The following GABRG3 variants were observed in gnomAD, a reference collection of about 807,000 sequenced individuals.
GABRG3 encodes gamma-aminobutyric acid type A receptor subunit gamma3, also known as gamma-aminobutyric acid receptor subunit gamma-3.
GABRG3 carries 25 observed loss-of-function variants against 48.8 expected under a neutral mutation model. The ratio of observed to expected loss-of-function variants is 0.51; its 90% CI spans 0.37 to 0.72. The LOEUF is 0.72. Ranked by LOEUF, GABRG3 falls within the 30% of genes least tolerant of loss-of-function variation. The pLI, the probability that GABRG3 is intolerant of heterozygous loss-of-function variation, is 0.00. For missense variants in GABRG3, 394 were observed against 577.9 expected (o/e 0.68, Z 3.26); for synonymous variants, 227 against 217.6 (o/e 1.04, Z -0.38).
intron 5 of GABRG3, among the ~76,000 whole-genome samples, chr15:27,440,822 G>A (rs539774981): frequency 1.1e-4 from 16 of 152,278 alleles, no homozygotes; most frequent in African/African-American, 3.1e-4. Flanking sequence ...ATAATTATTC[G>A]ATTAATTATT....
At chr15:27,340,850 T>A (rs1208211244) in intron 5 of GABRG3, 1 of 299,604 alleles carries the variant, frequency 3.3e-6, no homozygotes, top group Non-Finnish European at 6.7e-6. Context: ...ACGACTTTGC[T>A]AAGAAGAAAA....
chr15:27,156,123 C>G (rs1369928757), intron 3 of GABRG3, among the ~76,000 whole-genome samples: 1 of 151,562 alleles, frequency 6.6e-6, no homozygotes, highest in East Asian at 1.9e-4. Context: ...CACGGTGAAA[C>G]CCTGTCTCTA....
At chr15:27,489,679 G>T (rs1402481491) in intron 6 of GABRG3, among the ~76,000 whole-genome samples, 1 of 151,924 alleles carries the variant, frequency 6.6e-6, no homozygotes, top group African/African-American at 2.4e-5. Flanking sequence ...TCTTCTTTTG[G>T]GAAGTGTCTG....
chr15:27,369,806 C>CAAAAAAAAAAAAAAAAAAAAAAAAAAAAA (rs34901488), intron 5 of GABRG3, among the ~76,000 whole-genome samples: 1 of 30,270 alleles, frequency 3.3e-5, no homozygotes, highest in African/African-American at 9.0e-5. Flanking sequence ...GACTCCGTCT[C>CAAAAAAAAAAAAAAAAAAAAAAAAAAAAA]AAAAAAAAAA....
intron 6 of GABRG3, among the ~76,000 whole-genome samples, chr15:27,511,623 C>T (rs1054788080): frequency 1.3e-5 from 2 of 152,188 alleles, no homozygotes; most frequent in African/African-American, 4.8e-5. Flanking sequence ...CACAGAAGGC[C>T]TACAAGAGCT....
At chr15:27,174,626 C>G (rs1223380830) in intron 3 of GABRG3, among the ~76,000 whole-genome samples, 6 of 150,900 alleles carry the variant, frequency 4.0e-5, no homozygotes, top group Admixed American at 4.0e-4. Context: ...CTCACTCTCA[C>G]ATCTTGTTGA....
At chr15:27,110,490 C>A (rs1462253510) in intron 3 of GABRG3, among the ~76,000 whole-genome samples, 1 of 151,582 alleles carries the variant, frequency 6.6e-6, no homozygotes, top group East Asian at 1.9e-4. Context: ...TTATGTAGCT[C>A]TGAGTTTCTG....
chr15:27,045,397 A>C (rs149146523), intron 3 of GABRG3, among the ~76,000 whole-genome samples: 94 of 152,376 alleles, frequency 6.2e-4, no homozygotes, highest in African/African-American at 2.1e-3. Context: ...CCAGAAGGTC[A>C]GTTCCTTATG....
At chr15:27,330,155 G>T (rs991393210) in intron 5 of GABRG3, among the ~76,000 whole-genome samples, 2 of 152,138 alleles carry the variant, frequency 1.3e-5, no homozygotes, top group Non-Finnish European at 2.9e-5. Context: ...CAGGAGAATT[G>T]CTTGAACCCA....
chr15:27,066,727 C>T (rs557739892), intron 3 of GABRG3, among the ~76,000 whole-genome samples: 3 of 152,100 alleles, frequency 2.0e-5, no homozygotes, highest in South Asian at 2.1e-4. Flanking sequence ...TTTTCCTGGA[C>T]GCCCATTCTG....
intron 3 of GABRG3, among the ~76,000 whole-genome samples, chr15:27,168,443 T>C (rs1354974769): frequency 6.6e-6 from 1 of 152,168 alleles, no homozygotes; most frequent in Non-Finnish European, 1.5e-5. Flanking sequence ...AAGAAGTTTC[T>C]CCTTCTGTTT....
intron 3 of GABRG3, among the ~76,000 whole-genome samples, chr15:27,262,870 A>C (rs1411548116): frequency 6.6e-6 from 1 of 152,192 alleles, no homozygotes; most frequent in Non-Finnish European, 1.5e-5. Context: ...GCACTAACTT[A>C]TATGTTTCCT....
At chr15:27,081,764 C>T (rs950404189) in intron 3 of GABRG3, among the ~76,000 whole-genome samples, 3 of 152,204 alleles carry the variant, frequency 2.0e-5, no homozygotes, top group African/African-American at 4.8e-5. Context: ...TGACTGAATC[C>T]AGCTGCTGTG....
intron 5 of GABRG3, among the ~76,000 whole-genome samples, chr15:27,468,718 A>G (rs1050786986): frequency 6.6e-6 from 1 of 152,208 alleles, no homozygotes; most frequent in African/African-American, 2.4e-5. Context: ...TAATGATCCC[A>G]AAGTTCAAGA....
intron 3 of GABRG3, among the ~76,000 whole-genome samples, chr15:27,207,546 G>C (rs1888894902): frequency 6.6e-6 from 1 of 152,180 alleles, no homozygotes; most frequent in Admixed American, 6.5e-5. Flanking sequence ...GCCTCTAGTG[G>C]AAAGTTCTGT....
At chr15:27,206,789 C>G (rs1595585250) in intron 3 of GABRG3, among the ~76,000 whole-genome samples, 1 of 152,094 alleles carries the variant, frequency 6.6e-6, no homozygotes, top group East Asian at 1.9e-4. Flanking sequence ...GAATGGAACC[C>G]TTTATTATTA....
chr15:27,332,856 G>T (rs1595683522), intron 5 of GABRG3, among the ~76,000 whole-genome samples: 1 of 151,910 alleles, frequency 6.6e-6, no homozygotes, highest in African/African-American at 2.4e-5. Context: ...AACATGTTTG[G>T]GTAATAACTT....
intron 6 of GABRG3, among the ~76,000 whole-genome samples, chr15:27,502,945 C>T: frequency 6.6e-6 from 1 of 152,172 alleles, no homozygotes; most frequent in East Asian, 1.9e-4. Context: ...ACATGTTCGG[C>T]CATCTGGAAG....
rs1206982175 is a variant in GABRG3, at chr15:27,319,659, CA to C, written c.271-7149del. 6.6e-6 allele frequency among the ~76,000 whole-genome samples: 1 copy of C among 152,010 alleles called. No homozygotes were observed. Among genetic ancestry groups the C allele is most frequent in the Non-Finnish European group, 1.5e-5 (1 of 68,018 alleles). On this transcript the variant is annotated intron_variant, in intron 3 of 9. Coordinates refer to ENST00000615808, the MANE Select transcript of GABRG3 (RefSeq NM_033223.5). The surrounding 1 kb of genome is among the most constrained non-coding windows in gnomAD (Gnocchi z 4.4). ...GGATAAGAGGGTGTCCAGGCGTGGG[CA>C]GAGCACAAATGGGATGGGGAGGAAG...
Sources: gnomAD v4.1 joint callset for allele counts (sites outside exome capture counted in the v4.1 genomes callset) on GRCh38, gnomAD v4.1.1 for gene constraint, Gnocchi (gnomAD v3.1) non-coding constraint, MANE v1.5 for transcripts, NCBI Gene and HGNC (gene_info 2026-07-23, HGNC 2026-07-21) for gene names.